Variants in MYO10 observed in about 807,000 individuals in gnomAD.
MYO10 encodes myosin X.
Under a neutral mutation model 257.3 loss-of-function variants are expected in MYO10, and 133 were observed. The ratio of observed to expected loss-of-function variants is 0.52; its 90% CI spans 0.45 to 0.60. MYO10 has a LOEUF of 0.60. MYO10 is among the 20% of genes least tolerant of loss of function. The pLI is 0.00. For synonymous variants in MYO10, 1,104 were observed against 1,028.6 expected, an observed-to-expected ratio of 1.07 and a Z score of -1.40; for missense variants, 2,399 against 2,635.7, an observed-to-expected ratio of 0.91 and a Z score of 1.97.
chr5:16,783,186 G>A, intron 5 of MYO10, 149 bp downstream of exon 5: 1 of 792,504 alleles, frequency 1.3e-6, no homozygotes, highest in Non-Finnish European at 1.9e-6. Flanking sequence ...ATATTACTAT[G>A]TGCATGGCAA....
chr5:16,874,330 T>G (rs1263707223), intron 2 of MYO10, among the ~76,000 whole-genome samples: 1 of 82,078 alleles, frequency 1.2e-5, no homozygotes, highest in Non-Finnish European at 2.1e-5. Context: ...CAAGACTCCA[T>G]CTAAAAAAAA....
intron 3 of MYO10, among the ~76,000 whole-genome samples, chr5:16,817,340 C>G (rs1180089427): frequency 6.6e-6 from 1 of 152,188 alleles, no homozygotes; most frequent in Non-Finnish European, 1.5e-5. Context: ...GGGAGAAAAT[C>G]TGCAGGTCAA....
chr5:16,906,653 C>T (rs943979919), intron 1 of MYO10, among the ~76,000 whole-genome samples: 2 of 152,142 alleles, frequency 1.3e-5, no homozygotes, highest in Admixed American at 6.6e-5. Context: ...TCCTCCTTCT[C>T]TATGCCTATC....
chr5:16,746,778 T>G (rs1451226109), intron 19 of MYO10, among the ~76,000 whole-genome samples: 2 of 152,200 alleles, frequency 1.3e-5, no homozygotes, highest in Non-Finnish European at 2.9e-5. Context: ...TCTGCTGTAA[T>G]CGGTGGTGCC....
intron 2 of MYO10, among the ~76,000 whole-genome samples, chr5:16,841,751 A>C (rs1056458230): frequency 1.3e-5 from 2 of 151,908 alleles, no homozygotes; most frequent in Admixed American, 6.6e-5. Context: ...TTGTTTGCCA[A>C]CTCTTCTCGC....
chr5:16,935,924 G>T lies in MYO10; in HGVS notation c.-116C>A. On this transcript the variant is annotated 5_prime_UTR_variant, in exon 1 of 41. Transcript: ENST00000513610. ...GCGCCACTCCCGAGGACGCGCGCCC[G>T]CGGGGCTCCCCTGCTGCCATCGCCC... 7.7e-7 allele frequency: 1 copy of T among 1,299,980 alleles called. No individual in the cohort carries two copies. The highest frequency in any genetic ancestry group is 1.1e-6 in the Non-Finnish European group (1 of 925,742). The allele number at this position is 1,299,980 out of a possible 1,614,324, so 80.5% of individuals were successfully genotyped here. A position where few individuals can be genotyped will look rare whatever the true frequency, so the allele number is the denominator to read the frequency against.
At chr5:16,766,779 T>TC (rs1270966916) in intron 10 of MYO10, among the ~76,000 whole-genome samples, 2 of 146,986 alleles carry the variant, frequency 1.4e-5, no homozygotes. Flanking sequence ...TCTTTTTTTT[T>TC]TTTTTTTTGA....
intron 1 of MYO10, among the ~76,000 whole-genome samples, chr5:16,897,350 C>T (rs1342523404): frequency 1.3e-5 from 2 of 150,066 alleles, no homozygotes; most frequent in Non-Finnish European, 1.5e-5. Flanking sequence ...AGAAACTCTG[C>T]AACGCCACCA....
chr5:16,671,979 T>C lies in MYO10; in HGVS notation c.5310-437A>G, dbSNP rs1001165744. 8.5e-5 allele frequency among the ~76,000 whole-genome samples: 13 copies of C among 152,168 alleles called. 1 individual carries two copies. Among genetic ancestry groups the C allele is most frequent in the Non-Finnish European group, 1.8e-4 (12 of 68,026 alleles). ...GAATACCTTCGCGCTACTTCGAGGA[T>C]ATGAAGTCACAGATCAAATAGCGTA... On this transcript the variant is annotated intron_variant, in intron 37 of 40. Transcript: ENST00000513610.
At chr5:16,740,775 G>C (rs762642467) in intron 19 of MYO10, among the ~76,000 whole-genome samples, 1 of 152,046 alleles carries the variant, frequency 6.6e-6, no homozygotes, top group African/African-American at 2.4e-5. Flanking sequence ...GTTTAACGTT[G>C]TAAGAGAGGT....
rs376669802 is a variant in MYO10, at chr5:16,740,468, A to T, written c.1929+14360T>A. The stretch of plus-strand genomic sequence containing the variant: ...GGAGCAGGAGTGCCATTCAGATTGG[A>T]CATGATTCAGTAAGTTCATCAGGAT... On this transcript the variant is annotated intron_variant, in intron 19 of 40. Coordinates refer to ENST00000513610, the MANE Select transcript of MYO10 (RefSeq NM_012334.3). 1.1e-3 allele frequency among the ~76,000 whole-genome samples: 161 copies of T among 152,260 alleles called. 3 individuals carry two copies. The South Asian group carries it at 0.029, about 27-fold the overall frequency.
In MYO10 at chr5:16,756,927, C is replaced by T. The variant is rs115851624; in HGVS notation, c.1848+1191G>A. Among the ~76,000 whole-genome samples the T allele has an allele frequency of 7.0e-3, 1,059 of 151,852 alleles. 4 individuals carry two copies. The highest frequency in any genetic ancestry group is 0.011 in the Non-Finnish European group (773 of 67,946). On this transcript the variant is annotated intron_variant, in intron 18 of 40. Transcript: ENST00000513610. The stretch of plus-strand genomic sequence containing the variant: ...ATCAGCCTGGGCAACATAATAAGAC[C>T]CCATCTCAGTAAAACATCTAAAAAT...
intron 1 of MYO10, among the ~76,000 whole-genome samples, chr5:16,915,318 A>G (rs769977383): frequency 6.6e-6 from 1 of 152,230 alleles, no homozygotes; most frequent in Non-Finnish European, 1.5e-5. Context: ...AGAGGATTCA[A>G]TGAGATCCAG....
At chr5:16,715,136 G>A (rs1161278347) in intron 19 of MYO10, among the ~76,000 whole-genome samples, 1 of 100,258 alleles carries the variant, frequency 1.0e-5, no homozygotes, top group African/African-American at 4.1e-5. Context: ...ACAACATAGG[G>A]CAATTGGACA....
intron 3 of MYO10, 90 bp from the exon 4 acceptor site, chr5:16,794,923 G>A (rs541473022): frequency 3.9e-6 from 4 of 1,031,488 alleles, no homozygotes; most frequent in East Asian, 6.3e-5. Context: ...TGCGCCAGGG[G>A]GAAAGACGTC....
chr5:16,690,579 GCAGCAGCCCCCACTC>G (rs1420410979), intron 27 of MYO10, among the ~76,000 whole-genome samples: 5 of 152,142 alleles, frequency 3.3e-5, no homozygotes, highest in Admixed American at 3.3e-4. Flanking sequence ...CAGGCCAGGG[GCAGCAGCCCCCACTC>G]CTGCCTGCAA....
At chr5:16,910,877 A>T (rs1009719790) in intron 1 of MYO10, among the ~76,000 whole-genome samples, 1 of 152,208 alleles carries the variant, frequency 6.6e-6, no homozygotes, top group Admixed American at 6.5e-5. Context: ...AAAGGGACTC[A>T]GTCATTAAAC....
At position 16,670,544 on chromosome 5, in the gene MYO10, C is replaced by G. The variant is rs371241992; in HGVS notation, c.5865G>C (p.Ser1955=). Residue 1955 remains serine, a synonymous_variant, in exon 39 of 41, where the codon TCG becomes TCC. Transcript: ENST00000513610. ...TTCTCACCTCCACATCAAACAGCGT[C>G]GAGCCATAGCCAGGCCACTCCTTGA... ...ALIKEWPGYG[S]TLFDVECKEG... 6.2e-7 allele frequency: 1 copy of G among 1,609,548 alleles called. No homozygotes were observed. Among genetic ancestry groups the G allele is most frequent in the Non-Finnish European group, 8.5e-7 (1 of 1,177,086 alleles).
intron 2 of MYO10, among the ~76,000 whole-genome samples, chr5:16,847,566 CA>C (rs1459262099): frequency 2.6e-5 from 4 of 151,926 alleles, no homozygotes; most frequent in Non-Finnish European, 5.9e-5. Flanking sequence ...AACCTATTTA[CA>C]AAAAATACAA....
Sources: gnomAD v4.1 joint callset for allele counts (sites outside exome capture counted in the v4.1 genomes callset) on GRCh38, gnomAD v4.1.1 for gene constraint, MANE v1.5 for transcripts, NCBI Gene and HGNC (gene_info 2026-07-23, HGNC 2026-07-21) for gene names.